SCNN1G: variants seen among roughly 807,000 people sequenced by gnomAD.
The protein encoded by SCNN1G is epithelial sodium channel subunit gamma.
SCNN1G carries 27 observed loss-of-function variants against 64.6 expected under a neutral mutation model. The observed-to-expected ratio is 0.42, with a 90% confidence interval of 0.31 to 0.58. The LOEUF (loss-of-function observed/expected upper bound fraction) is 0.58, where lower values mean the gene tolerates loss of function less well. Among genes scored for constraint, SCNN1G ranks in the 20% least tolerant of loss-of-function variants. The pLI is 0.18. For synonymous variants in SCNN1G, 330 were observed against 314.2 expected (o/e 1.05, Z -0.53); for missense variants, 743 against 823.4 (o/e 0.90, Z 1.19).
chr16:23,188,493 C>T (rs1488294249), intron 2 of SCNN1G, among the ~76,000 whole-genome samples: 1 of 152,126 alleles, frequency 6.6e-6, no homozygotes, highest in Non-Finnish European at 1.5e-5. Context: ...GCCTGGGCAA[C>T]AGAGTGAGAC....
At chr16:23,205,414 A>G (rs913726407) in intron 6 of SCNN1G, among the ~76,000 whole-genome samples, 2 of 151,988 alleles carry the variant, frequency 1.3e-5, no homozygotes, top group Non-Finnish European at 2.9e-5. Context: ...CTCCTCAATA[A>G]TGAGTCCAAG....
At chr16:23,187,568 G>A (rs1213089467) in intron 2 of SCNN1G, among the ~76,000 whole-genome samples, 1 of 152,094 alleles carries the variant, frequency 6.6e-6, no homozygotes, top group Non-Finnish European at 1.5e-5. Flanking sequence ...TGCACCCCTG[G>A]CTCTCCGAGC....
At chr16:23,212,953 T>A in intron 10 of SCNN1G, 59 bp downstream of exon 10, 1 of 1,576,036 alleles carries the variant, frequency 6.3e-7, no homozygotes, top group Non-Finnish European at 8.7e-7. Context: ...CCCACTGACA[T>A]TTTTGCTGTG....
In SCNN1G at chr16:23,203,078, A is replaced by G. The variant is rs148680696; in HGVS notation, c.1077+5651A>G. Among the ~76,000 whole-genome samples the G allele has an allele frequency of 1.1e-3, 164 of 152,342 alleles. No homozygotes were observed. In the East Asian group the frequency reaches 0.026, roughly 24 times the overall value. On this transcript the variant is annotated intron_variant, in intron 6 of 12. Coordinates refer to ENST00000300061, the MANE Select transcript of SCNN1G (RefSeq NM_001039.4). Reference sequence around the variant, plus strand: ...AGAAAGTAAAAGGAGAAAGAGAGGCAGATAAGTAGGAACAGAAGCCAGAAA... The same window carrying G: ...AGAAAGTAAAAGGAGAAAGAGAGGCGGATAAGTAGGAACAGAAGCCAGAAA...
chr16:23,192,017 A>G (rs1411373406), intron 3 of SCNN1G, among the ~76,000 whole-genome samples: 1 of 152,138 alleles, frequency 6.6e-6, no homozygotes, highest in Non-Finnish European at 1.5e-5. Flanking sequence ...GGAAATGGGA[A>G]AGGTTGTTAG....
rs1212410381 is a variant in SCNN1G at position 23,212,913 on chromosome 16, C to T, written c.1431+19C>T. The stretch of plus-strand genomic sequence containing the variant: ...TTCGGAGGTAAGTTCTTCTGCCCAC[C>T]CTTCCCCACTGAAGCCCCCAGCCTG... On this transcript the variant is annotated intron_variant, in intron 10 of 12. Transcript: ENST00000300061. 8.7e-6 allele frequency: 14 copies of T among 1,612,362 alleles called. No individual in the cohort carries two copies. Among genetic ancestry groups the T allele is most frequent in the African/African-American group, 2.7e-5 (2 of 74,878 alleles).
At position 23,213,103 on chromosome 16, in the gene SCNN1G, A is replaced by T. The variant is rs1960107012; in HGVS notation, c.1433A>T (p.Lys478Met). ...CCACGCTTTCTCTCTCCGTTGTAGA[A>T]GTGGTTGCTGCCTGTTCTCACTTGG... ...LAQWPSVVSE[K>M]WLLPVLTWDQ... is the part of the protein sequence containing the mutation. The change falls in exon 11 of 13, where the codon AAG (lysine) becomes ATG (methionine). Residue 478 changes from lysine (K) to methionine (M), a missense_variant and splice_region_variant. Coordinates refer to ENST00000300061, the MANE Select transcript of SCNN1G (RefSeq NM_001039.4). The T allele has an allele frequency of 6.2e-7, 1 of 1,613,846 alleles. No homozygotes were observed.
At position 23,215,930 on chromosome 16, in the gene SCNN1G, G is replaced by A. The variant is rs1960153669; in HGVS notation, c.*461G>A. On this transcript the variant is annotated 3_prime_UTR_variant, in exon 13 of 13. Coordinates refer to ENST00000300061, the MANE Select transcript of SCNN1G (RefSeq NM_001039.4). ...CAGCTACTGCCAGATGCCAAAGATA[G>A]GAGAAAGTGCCAGCCCTGAAGCTGG... is the stretch of plus-strand genomic sequence containing the variant. The A allele has an allele frequency of 3.2e-5, 7 of 216,866 alleles. No homozygotes were observed. Among genetic ancestry groups the A allele is most frequent in the Admixed American group, 3.1e-4 (6 of 19,102 alleles). 13.4% of individuals were successfully genotyped at this position (216,866 alleles called of 1,614,324 possible).
chr16:23,215,647 C>T lies in SCNN1G; in HGVS notation c.*178C>T. 1.5e-6 allele frequency: 1 copy of T among 678,158 alleles called. No individual in the cohort carries two copies. The highest frequency in any genetic ancestry group is 2.6e-6 in the Non-Finnish European group (1 of 389,910). The allele number at this position is 678,158 out of a possible 1,614,324, so 42.0% of individuals were successfully genotyped here. ...GGGGCCTGGGCATGCGCAGGAGGAGCCATCGGGTACTACGCAGCAACACTC... is the reference window on the plus strand; with the variant it reads ...GGGGCCTGGGCATGCGCAGGAGGAGTCATCGGGTACTACGCAGCAACACTC... On this transcript the variant is annotated 3_prime_UTR_variant, in exon 13 of 13. Coordinates refer to ENST00000300061, the MANE Select transcript of SCNN1G (RefSeq NM_001039.4).
At chr16:23,186,653 C>T in intron 2 of SCNN1G, 65 bp downstream of exon 2, 5 of 1,410,180 alleles carry the variant, frequency 3.5e-6, no homozygotes, top group Non-Finnish European at 5.0e-6. Flanking sequence ...CAAAGCCCCT[C>T]CCGAAAGTGA....
At chr16:23,207,215 GC>G (rs1960004775) in intron 6 of SCNN1G, among the ~76,000 whole-genome samples, 1 of 152,176 alleles carries the variant, frequency 6.6e-6, no homozygotes, top group Non-Finnish European at 1.5e-5. Flanking sequence ...GGGAGCCCCA[GC>G]CACCCCTGCT....
At chr16:23,208,477 G>C (rs1960026715) in intron 6 of SCNN1G, among the ~76,000 whole-genome samples, 1 of 152,066 alleles carries the variant, frequency 6.6e-6, no homozygotes, top group African/African-American at 2.4e-5. Context: ...TTCTAAGAAA[G>C]TCAACATCCT....
chr16:23,186,183 G>A, intron 1 of SCNN1G, 45 bp from the exon 2 acceptor site: 1 of 1,278,908 alleles, frequency 7.8e-7, no homozygotes, highest in Middle Eastern at 1.8e-4. Context: ...ACACTAGCCG[G>A]CTAGTGCCTG....
At chr16:23,193,069 C>CAAAAAAAAAAAAAA (rs56318076) in intron 4 of SCNN1G, among the ~76,000 whole-genome samples, 1 of 69,120 alleles carries the variant, frequency 1.4e-5, no homozygotes, top group African/African-American at 7.3e-5. Context: ...ACTCTTGTCT[C>CAAAAAAAAAAAAAA]AAAAAAAAAA....
chr16:23,194,102 C>G, intron 4 of SCNN1G, 69 bp from the exon 5 acceptor site: 1 of 1,052,114 alleles, frequency 9.5e-7, no homozygotes, highest in South Asian at 1.3e-5. Flanking sequence ...TCCATTAGCA[C>G]TGCCCTGCCC....
intron 6 of SCNN1G, among the ~76,000 whole-genome samples, chr16:23,202,376 G>A (rs1183571648): frequency 1.3e-5 from 2 of 151,880 alleles, no homozygotes; most frequent in African/African-American, 4.8e-5. Flanking sequence ...AGATAGGTGA[G>A]TGGGTGCGTG....
chr16:23,198,603 T>C (rs944418739), intron 6 of SCNN1G, among the ~76,000 whole-genome samples: 1 of 149,156 alleles, frequency 6.7e-6, no homozygotes, highest in Non-Finnish European at 1.5e-5. Flanking sequence ...CCAGGCATGG[T>C]GGCACAGGCC....
At position 23,188,912 on chromosome 16, in the gene SCNN1G, A is replaced by G. The variant is rs189912237; in HGVS notation, c.318-459A>G. On this transcript the variant is annotated intron_variant, in intron 2 of 12. Coordinates refer to ENST00000300061, the MANE Select transcript of SCNN1G (RefSeq NM_001039.4). ...CTTGGGGGTCATCGAGGTAACAGTT[A>G]TACCCTCCTTCCCCCCAGCACAGAT... 5.1e-4 allele frequency among the ~76,000 whole-genome samples: 78 copies of G among 152,312 alleles called. 1 individual carries two copies. Among genetic ancestry groups the G allele is most frequent in the African/African-American group, 1.9e-3 (78 of 41,582 alleles).
intron 4 of SCNN1G, 38 bp downstream of exon 4, chr16:23,192,580 T>C (rs757623570): frequency 1.9e-6 from 3 of 1,551,678 alleles, no homozygotes; most frequent in African/African-American, 1.4e-5. Flanking sequence ...CTCTAAGGAC[T>C]GGCAGCTCTG....
Sources: gnomAD v4.1 joint callset for allele counts (sites outside exome capture counted in the v4.1 genomes callset) on GRCh38, gnomAD v4.1.1 for gene constraint, MANE v1.5 for transcripts, NCBI Gene and HGNC (gene_info 2026-07-23, HGNC 2026-07-21) for gene names.